RUNX1: variants seen among roughly 807,000 people sequenced by gnomAD.
RUNX1 encodes runt-related transcription factor 1.
In RUNX1, 19 loss-of-function variants were observed where a neutral mutation model predicts 42.8. That is an observed-to-expected ratio of 0.44 (90% CI 0.31 to 0.65). The LOEUF (loss-of-function observed/expected upper bound fraction) is 0.65. Among genes scored for constraint, RUNX1 ranks in the 30% least tolerant of loss-of-function variants. The probability of loss-of-function intolerance (pLI) is 0.07; values close to 1 mark genes in which losing one functional copy is unlikely to be tolerated. For synonymous variants in RUNX1, 271 were observed against 289.4 expected, an observed-to-expected ratio of 0.94 and a Z score of 0.64; for missense variants, 528 against 672.0, an observed-to-expected ratio of 0.79 and a Z score of 2.37.
intron 7 of RUNX1, among the ~76,000 whole-genome samples, chr21:34,803,096 A>G (rs189639432): frequency 7.9e-5 from 12 of 152,314 alleles, no homozygotes; most frequent in Non-Finnish European, 1.2e-4. Context: ...TTTTGTTCAC[A>G]GCTACAGTCT....
At chr21:35,031,695 A>G (rs2059274515) in intron 2 of RUNX1, among the ~76,000 whole-genome samples, 1 of 152,228 alleles carries the variant, frequency 6.6e-6, no homozygotes, top group African/African-American at 2.4e-5. Flanking sequence ...GCCTTAAAAA[A>G]GATAGAAACC....
At chr21:34,876,327 G>A (rs1383928456) in intron 5 of RUNX1, among the ~76,000 whole-genome samples, 1 of 152,176 alleles carries the variant, frequency 6.6e-6, no homozygotes, top group African/African-American at 2.4e-5. Flanking sequence ...AAACACAGGT[G>A]TTACCAAAAC....
chr21:34,942,159 G>A (rs2058532161), intron 2 of RUNX1, among the ~76,000 whole-genome samples: 1 of 152,146 alleles, frequency 6.6e-6, no homozygotes, highest in African/African-American at 2.4e-5. Context: ...TTCCGCCTAT[G>A]TTGGAGTGAG....
chr21:35,002,169 C>G (rs2059049188), intron 2 of RUNX1, among the ~76,000 whole-genome samples: 1 of 151,670 alleles, frequency 6.6e-6, no homozygotes, highest in South Asian at 2.1e-4. Context: ...GAAATGCTAA[C>G]TGGCTTTTTG....
chr21:34,899,765 C>G (rs73201080), intron 2 of RUNX1, among the ~76,000 whole-genome samples: 9,116 of 152,286 alleles, frequency 0.06, 362 homozygotes, highest in Non-Finnish European at 0.085. Context: ...GCAGAGTGCC[C>G]GGTTGCAGCC....
At position 34,928,953 on chromosome 21, in the gene RUNX1, AT is replaced by A. The variant is rs565653105; in HGVS notation, c.59-35991del. Among the ~76,000 whole-genome samples, 203 of 71,928 alleles carry A rather than the reference AT, an allele frequency of 2.8e-3. 1 individual carries two copies. Among genetic ancestry groups the A allele is most frequent in the Non-Finnish European group, 4.5e-3 (157 of 34,908 alleles). The allele number at this position is 71,928 out of a possible 152,430, so 47.2% of individuals were successfully genotyped here. On this transcript the variant is annotated intron_variant, in intron 2 of 8. Transcript: ENST00000675419. ...GAGTATTGCAAGCTTATTTCTACAG[AT>A]TTTTTTTGGGGGGGGGGGTAGATTT... is the stretch of plus-strand genomic sequence containing the variant.
At chr21:34,834,127 A>G (rs901898401) in intron 7 of RUNX1, 5 of 659,774 alleles carry the variant, frequency 7.6e-6, no homozygotes, top group Admixed American at 2.1e-5. Flanking sequence ...TATCTATCCA[A>G]TATGGATATC....
chr21:34,908,782 C>T (rs1455735906), intron 2 of RUNX1, among the ~76,000 whole-genome samples: 1 of 152,200 alleles, frequency 6.6e-6, no homozygotes, highest in African/African-American at 2.4e-5. Context: ...CTTCTCCAAA[C>T]ACCCTTTGTC....
At chr21:34,974,398 GA>G (rs112091332) in intron 2 of RUNX1, among the ~76,000 whole-genome samples, 10,403 of 138,892 alleles carry the variant, frequency 0.075, 862 homozygotes, top group African/African-American at 0.21. Context: ...CCGAAACCGT[GA>G]AAAAAAAAAA....
At chr21:34,939,610 G>T (rs2058511709) in intron 2 of RUNX1, among the ~76,000 whole-genome samples, 1 of 152,130 alleles carries the variant, frequency 6.6e-6, no homozygotes, top group African/African-American at 2.4e-5. Context: ...CCCCAGGGAG[G>T]TTTGGAACAT....
chr21:34,881,456 T>C (rs929995329), intron 4 of RUNX1, among the ~76,000 whole-genome samples: 2 of 152,112 alleles, frequency 1.3e-5, no homozygotes, highest in Non-Finnish European at 2.9e-5. Flanking sequence ...AAATCAGAAA[T>C]GCACCCTTCG....
intron 6 of RUNX1, among the ~76,000 whole-genome samples, chr21:34,858,477 T>C (rs1393659977): frequency 6.6e-6 from 1 of 152,202 alleles, no homozygotes; most frequent in Non-Finnish European, 1.5e-5. Flanking sequence ...AAGAGGAAAG[T>C]GAGGTTCAGC....
At chr21:34,890,882 G>T (rs924995949) in intron 3 of RUNX1, among the ~76,000 whole-genome samples, 1 of 152,016 alleles carries the variant, frequency 6.6e-6, no homozygotes, top group Non-Finnish European at 1.5e-5. Flanking sequence ...AAACCTTTTC[G>T]CCTGGTCTCC....
chr21:35,015,543 A>G (rs1457219266), intron 2 of RUNX1, among the ~76,000 whole-genome samples: 1 of 152,182 alleles, frequency 6.6e-6, no homozygotes, highest in Non-Finnish European at 1.5e-5. Flanking sequence ...CCAGTGGTGG[A>G]AGAGGTGGTG....
chr21:34,895,060 C>A (rs571682560), intron 2 of RUNX1, among the ~76,000 whole-genome samples: 1 of 152,226 alleles, frequency 6.6e-6, no homozygotes, highest in African/African-American at 2.4e-5. Flanking sequence ...TTTATCCCCC[C>A]CGTCTCAGGG....
At chr21:34,911,395 A>G (rs1171176028) in intron 2 of RUNX1, among the ~76,000 whole-genome samples, 1 of 152,182 alleles carries the variant, frequency 6.6e-6, no homozygotes, top group Non-Finnish European at 1.5e-5. Flanking sequence ...TACATACATG[A>G]GGACAGAGGA....
chr21:35,045,801 C>A (rs533358669), intron 2 of RUNX1, among the ~76,000 whole-genome samples: 7 of 152,238 alleles, frequency 4.6e-5, no homozygotes, highest in African/African-American at 1.4e-4. Context: ...TTTATACATG[C>A]AGCTTTGTAC....
chr21:34,803,540 C>T (rs1347191495), intron 7 of RUNX1, among the ~76,000 whole-genome samples: 1 of 150,998 alleles, frequency 6.6e-6, no homozygotes, highest in East Asian at 1.9e-4. Flanking sequence ...GAGCCAGACT[C>T]CGTCTCAGAA....
chr21:34,795,807 C>G (rs746154588), intron 8 of RUNX1, among the ~76,000 whole-genome samples: 20 of 152,166 alleles, frequency 1.3e-4, no homozygotes, highest in Non-Finnish European at 2.5e-4. Flanking sequence ...AAGCTTTACT[C>G]CATTTTTCCA....
Sources: gnomAD v4.1 joint callset for allele counts (sites outside exome capture counted in the v4.1 genomes callset) on GRCh38, gnomAD v4.1.1 for gene constraint, MANE v1.5 for transcripts, NCBI Gene and HGNC (gene_info 2026-07-23, HGNC 2026-07-21) for gene names.